The following NRXN3 variants were observed in gnomAD, a reference collection of about 807,000 sequenced individuals.
NRXN3 encodes the protein neurexin III.
NRXN3 carries 32 observed loss-of-function variants against 137.6 expected under a neutral mutation model. The ratio of observed to expected loss-of-function variants is 0.23; its 90% CI spans 0.18 to 0.31. The LOEUF (loss-of-function observed/expected upper bound fraction) is 0.31, where lower values mean the gene tolerates loss of function less well. NRXN3 is among the 10% of genes least tolerant of loss of function. The pLI, the probability that NRXN3 is intolerant of heterozygous loss-of-function variation, is 1.00. For missense variants in NRXN3, 1,574 were observed against 2,062.5 expected (o/e 0.76, Z 4.59); for synonymous variants, 798 against 784.5 (o/e 1.02, Z -0.29).
At chr14:79,672,109 T>A (rs1233361397) in intron 17 of NRXN3, among the ~76,000 whole-genome samples, 2 of 152,202 alleles carry the variant, frequency 1.3e-5, no homozygotes, top group East Asian at 3.9e-4. Flanking sequence ...ATGCTTTTGG[T>A]CTACAGGGCT....
intron 17 of NRXN3, among the ~76,000 whole-genome samples, chr14:79,684,651 A>G (rs1382357521): frequency 1.3e-5 from 2 of 152,016 alleles, no homozygotes; most frequent in Non-Finnish European, 2.9e-5. Context: ...GTCCTCCCAA[A>G]CCTCCTCCCT....
intron 4 of NRXN3, among the ~76,000 whole-genome samples, chr14:78,462,395 G>T (rs1037673752): frequency 6.6e-6 from 1 of 152,172 alleles, no homozygotes; most frequent in Non-Finnish European, 1.5e-5. Context: ...ATAAGCAGAT[G>T]AGGGGGGTGC....
intron 15 of NRXN3, among the ~76,000 whole-genome samples, chr14:79,068,769 A>C (rs996755776): frequency 1.3e-5 from 2 of 152,110 alleles, no homozygotes; most frequent in South Asian, 4.1e-4. Flanking sequence ...AATAATATTC[A>C]GTGAATACGT....
At chr14:79,219,144 T>C (rs1000093783) in intron 15 of NRXN3, among the ~76,000 whole-genome samples, 1 of 152,122 alleles carries the variant, frequency 6.6e-6, no homozygotes, top group Non-Finnish European at 1.5e-5. Flanking sequence ...TTATTAGAGA[T>C]AGGGTCTCAC....
At chr14:78,737,616 CA>C (rs1016524544) in intron 8 of NRXN3, among the ~76,000 whole-genome samples, 1 of 150,076 alleles carries the variant, frequency 6.7e-6, no homozygotes, top group South Asian at 2.1e-4. Flanking sequence ...TGGGAAATGG[CA>C]AAAAAGGGGG....
intron 14 of NRXN3, among the ~76,000 whole-genome samples, chr14:78,969,094 GGTATGTA>G (rs1445238064): frequency 6.6e-6 from 1 of 152,132 alleles, no homozygotes; most frequent in Non-Finnish European, 1.5e-5. Flanking sequence ...TAAAATGCCT[GGTATGTA>G]GTAGGTACTC....
At chr14:78,491,760 C>T (rs2153749972) in intron 4 of NRXN3, among the ~76,000 whole-genome samples, 1 of 152,258 alleles carries the variant, frequency 6.6e-6, no homozygotes, top group East Asian at 1.9e-4. Context: ...GTGGGCGATT[C>T]AAATTGCTTT....
intron 4 of NRXN3, among the ~76,000 whole-genome samples, chr14:78,515,456 A>G (rs186211487): frequency 6.6e-6 from 1 of 152,314 alleles, no homozygotes; most frequent in African/African-American, 2.4e-5. Flanking sequence ...GCTGACCCCA[A>G]GCTGGAAAAA....
intron 15 of NRXN3, among the ~76,000 whole-genome samples, chr14:79,057,401 T>G (rs2099667158): frequency 6.6e-6 from 1 of 152,186 alleles, no homozygotes; most frequent in Middle Eastern, 3.2e-3. Context: ...ATTTAGTGTG[T>G]GTTATTTTTA....
At chr14:79,119,740 C>G (rs2055089707) in intron 15 of NRXN3, among the ~76,000 whole-genome samples, 1 of 151,988 alleles carries the variant, frequency 6.6e-6, no homozygotes, top group African/African-American at 2.4e-5. Context: ...TCTTGGTAAG[C>G]CTCTTTCTTT....
At chr14:78,794,542 T>C (rs2153060038) in intron 8 of NRXN3, among the ~76,000 whole-genome samples, 1 of 152,280 alleles carries the variant, frequency 6.6e-6, no homozygotes, top group East Asian at 1.9e-4. Context: ...TTGTGTAATA[T>C]TAAAGTTTAG....
intron 17 of NRXN3, among the ~76,000 whole-genome samples, chr14:79,674,637 A>G (rs1487112228): frequency 6.6e-6 from 1 of 151,882 alleles, no homozygotes; most frequent in African/African-American, 2.4e-5. Context: ...TGCATCATCT[A>G]CAGAGCTCAA....
chr14:78,310,116 G>A (rs1423347152), intron 4 of NRXN3, among the ~76,000 whole-genome samples: 1 of 152,090 alleles, frequency 6.6e-6, no homozygotes, highest in African/African-American at 2.4e-5. Context: ...ACTCTAGGAA[G>A]AGCTGATCTT....
At chr14:79,850,882 T>C (rs2099390077) in intron 20 of NRXN3, among the ~76,000 whole-genome samples, 1 of 152,218 alleles carries the variant, frequency 6.6e-6, no homozygotes, top group South Asian at 2.1e-4. Flanking sequence ...ATACATGCAT[T>C]ATATTCAGGC....
chr14:79,025,679 T>C (rs1011582455), intron 15 of NRXN3, among the ~76,000 whole-genome samples: 12 of 152,194 alleles, frequency 7.9e-5, no homozygotes, highest in Non-Finnish European at 1.0e-4. Flanking sequence ...AATAGAAACA[T>C]TTTATCTTAC....
intron 4 of NRXN3, among the ~76,000 whole-genome samples, chr14:78,419,863 T>C (rs1348093813): frequency 2.0e-5 from 3 of 152,136 alleles, no homozygotes; most frequent in Non-Finnish European, 4.4e-5. Context: ...GCTAACTGAC[T>C]CTTTCTCAGC....
intron 8 of NRXN3, among the ~76,000 whole-genome samples, chr14:78,774,889 C>G (rs1023562240): frequency 6.6e-6 from 1 of 151,946 alleles, no homozygotes; most frequent in African/African-American, 2.4e-5. Context: ...TGCCACTACA[C>G]GCTAGCCTGG....
chr14:79,352,315 T>C (rs553214646), intron 15 of NRXN3, among the ~76,000 whole-genome samples: 2 of 152,260 alleles, frequency 1.3e-5, no homozygotes, highest in African/African-American at 4.8e-5. Context: ...AGCTAAATGT[T>C]ATGTTCTTTC....
intron 16 of NRXN3, among the ~76,000 whole-genome samples, chr14:79,576,022 G>C (rs2097661343): frequency 6.6e-6 from 1 of 152,070 alleles, no homozygotes; most frequent in Admixed American, 6.6e-5. Context: ...CTGCCAAAAT[G>C]GTATTCTTCT....
Sources: allele counts gnomAD v4.1 joint callset (sites outside exome capture counted in the v4.1 genomes callset), GRCh38; gene constraint gnomAD v4.1.1; transcripts MANE v1.5; gene names NCBI Gene and HGNC (gene_info 2026-07-23, HGNC 2026-07-21).